Variants in THSD4 observed in about 807,000 individuals in gnomAD.
The protein encoded by THSD4 is thrombospondin type-1 domain-containing protein 4.
A neutral mutation model predicts 119.0 loss-of-function variants in THSD4; 69 were observed. The observed-to-expected ratio is 0.58, with a 90% confidence interval of 0.48 to 0.71. The LOEUF (loss-of-function observed/expected upper bound fraction) is 0.71, where lower values mean the gene tolerates loss of function less well. Among genes scored for constraint, THSD4 ranks in the 30% least tolerant of loss-of-function variants. The pLI is 0.00. For missense variants in THSD4, 1,393 were observed against 1,391.1 expected, an observed-to-expected ratio of 1.00 and a Z score of -0.02; for synonymous variants, 524 against 540.4, an observed-to-expected ratio of 0.97 and a Z score of 0.42.
intron 3 of THSD4, among the ~76,000 whole-genome samples, chr15:71,164,079 A>G (rs1243537624): frequency 6.6e-6 from 1 of 151,840 alleles, no homozygotes; most frequent in Non-Finnish European, 1.5e-5. Flanking sequence ...GGCTATGTGA[A>G]ATTTCTTAAC....
chr15:71,533,914 G>A (rs550337234), intron 7 of THSD4, among the ~76,000 whole-genome samples: 1 of 152,266 alleles, frequency 6.6e-6, no homozygotes, highest in East Asian at 1.9e-4. Context: ...AATATCATTA[G>A]GGGTTATTGG....
chr15:71,328,191 ATTTC>A (rs765603816), intron 6 of THSD4, among the ~76,000 whole-genome samples: 4 of 151,780 alleles, frequency 2.6e-5, no homozygotes, highest in African/African-American at 9.7e-5. Flanking sequence ...TTGTTCCTCT[ATTTC>A]TTTTTCTTTT....
intron 7 of THSD4, among the ~76,000 whole-genome samples, chr15:71,484,931 G>A (rs1002302780): frequency 1.3e-5 from 2 of 152,196 alleles, no homozygotes; most frequent in African/African-American, 4.8e-5. Context: ...CTCAGAGGCA[G>A]ACATCTGGTC....
chr15:71,326,040 A>T (rs143250658), intron 6 of THSD4, among the ~76,000 whole-genome samples: 18 of 152,338 alleles, frequency 1.2e-4, no homozygotes, highest in Admixed American at 1.3e-4. Flanking sequence ...ACATCTACTT[A>T]ATAATTCCAT....
chr15:71,660,178 A>G (rs533764955), intron 7 of THSD4, among the ~76,000 whole-genome samples: 6 of 152,312 alleles, frequency 3.9e-5, no homozygotes, highest in African/African-American at 1.4e-4. Context: ...ATGATTCCAG[A>G]GAGATTCTTT....
rs369560489 is a variant in THSD4, at chr15:71,738,012, G to A, written c.1906+5G>A. The A allele has an allele frequency of 8.8e-5, 142 of 1,612,962 alleles. No homozygotes were observed. Among genetic ancestry groups the A allele is most frequent in the Admixed American group, 5.2e-4 (31 of 59,940 alleles). On this transcript the variant is annotated splice_donor_5th_base_variant and intron_variant, in intron 11 of 17. Transcript: ENST00000261862. ...GTTCCACGACCTGTGGGAAAGGTGAGCCTGTGTGGGGGACGGGTGGATCCC... is the reference window on the plus strand; with the variant it reads ...GTTCCACGACCTGTGGGAAAGGTGAACCTGTGTGGGGGACGGGTGGATCCC...
intron 6 of THSD4, among the ~76,000 whole-genome samples, chr15:71,369,190 A>T (rs879833600): frequency 9.2e-5 from 14 of 152,336 alleles, no homozygotes; most frequent in Non-Finnish European, 1.5e-4. Context: ...GGCTGTGACA[A>T]TGGGGTTTTC....
intron 6 of THSD4, among the ~76,000 whole-genome samples, chr15:71,270,187 C>G (rs1480354178): frequency 6.6e-6 from 1 of 152,200 alleles, no homozygotes; most frequent in Non-Finnish European, 1.5e-5. Context: ...ATCACACTAC[C>G]TGACTTCAAA....
At chr15:71,166,978 G>C (rs2043300419) in intron 3 of THSD4, 1 of 152,128 alleles carries the variant, frequency 6.6e-6, no homozygotes, top group Non-Finnish European at 1.5e-5. Flanking sequence ...TTTTAGAATA[G>C]TTTTTCAATA....
At chr15:71,592,676 T>C (rs887349933) in intron 7 of THSD4, among the ~76,000 whole-genome samples, 3 of 152,032 alleles carry the variant, frequency 2.0e-5, no homozygotes, top group African/African-American at 7.2e-5. Context: ...GAATGCATTT[T>C]GTGGGAAAAC....
intron 2 of THSD4, among the ~76,000 whole-genome samples, chr15:71,146,899 A>T (rs1427767974): frequency 1.3e-5 from 2 of 152,078 alleles, no homozygotes. Flanking sequence ...CTCATCACTC[A>T]CTCCTTGACT....
chr15:71,421,776 C>T (rs2046811912), intron 7 of THSD4, among the ~76,000 whole-genome samples: 1 of 152,188 alleles, frequency 6.6e-6, no homozygotes, highest in Non-Finnish European at 1.5e-5. Context: ...CTGTCCTGTA[C>T]TTACTCTGGA....
intron 9 of THSD4, chr15:71,729,199 A>G (rs2052925588): frequency 6.3e-6 from 1 of 159,248 alleles, no homozygotes; most frequent in Non-Finnish European, 1.4e-5. Flanking sequence ...TCCAGATGAA[A>G]CAATAAAGCT....
intron 7 of THSD4, among the ~76,000 whole-genome samples, chr15:71,446,292 T>C (rs959283817): frequency 2.6e-5 from 4 of 152,124 alleles, no homozygotes; most frequent in Non-Finnish European, 5.9e-5. Flanking sequence ...GCAACCACTT[T>C]AATGGTCTTC....
intron 6 of THSD4, among the ~76,000 whole-genome samples, chr15:71,378,408 C>T (rs1326767878): frequency 6.6e-6 from 1 of 152,138 alleles, no homozygotes; most frequent in African/African-American, 2.4e-5. Context: ...CAGGTGTGGA[C>T]CATCAGAATG....
intron 12 of THSD4, among the ~76,000 whole-genome samples, chr15:71,745,594 A>G (rs1039629492): frequency 6.6e-6 from 1 of 152,192 alleles, no homozygotes; most frequent in Non-Finnish European, 1.5e-5. Flanking sequence ...CAAAAACATC[A>G]GCCTGGAGAG....
intron 7 of THSD4, among the ~76,000 whole-genome samples, chr15:71,470,722 G>A (rs1288311827): frequency 6.6e-6 from 1 of 151,384 alleles, no homozygotes; most frequent in Non-Finnish European, 1.5e-5. Flanking sequence ...TGCAAGCTCC[G>A]CTTCCCGGGT....
intron 6 of THSD4, among the ~76,000 whole-genome samples, chr15:71,372,255 G>A (rs764059035): frequency 4.6e-5 from 7 of 152,000 alleles, no homozygotes; most frequent in Non-Finnish European, 8.8e-5. Context: ...AAGTTTGATC[G>A]TCTGAAGCCT....
chr15:71,228,869 T>C (rs1173642073), intron 4 of THSD4, among the ~76,000 whole-genome samples: 1 of 152,218 alleles, frequency 6.6e-6, no homozygotes, highest in African/African-American at 2.4e-5. Flanking sequence ...TGCAGAAACA[T>C]TTGGTTCTCT....
Sources: allele counts gnomAD v4.1 joint callset (sites outside exome capture counted in the v4.1 genomes callset), GRCh38; gene constraint gnomAD v4.1.1; transcripts MANE v1.5; gene names NCBI Gene and HGNC (gene_info 2026-07-23, HGNC 2026-07-21).